The following ROR2 variants were observed in gnomAD, a reference collection of about 807,000 sequenced individuals.
The protein encoded by ROR2 is ROR family WNT receptor 2, also known as tyrosine-protein kinase transmembrane receptor ROR2.
Under a neutral mutation model 74.9 loss-of-function variants are expected in ROR2, and 33 were observed. The ratio of observed to expected loss-of-function variants is 0.44; its 90% CI spans 0.33 to 0.59. ROR2 has a LOEUF of 0.59. Ranked by LOEUF, ROR2 falls within the 20% of genes least tolerant of loss-of-function variation. The pLI is 0.02. For missense variants in ROR2, 1,216 were observed against 1,313.8 expected (o/e 0.93, Z 1.15); for synonymous variants, 586 against 558.7 (o/e 1.05, Z -0.69).
chr9:91,852,370 T>A (rs1429449703), intron 1 of ROR2, among the ~76,000 whole-genome samples: 2 of 152,240 alleles, frequency 1.3e-5, no homozygotes, highest in Non-Finnish European at 2.9e-5. Context: ...TCATATCCAA[T>A]AAACTCATGT....
intron 1 of ROR2, among the ~76,000 whole-genome samples, chr9:91,785,568 C>A (rs1826768828): frequency 6.6e-6 from 1 of 152,232 alleles, no homozygotes; most frequent in Non-Finnish European, 1.5e-5. Flanking sequence ...ACTTTGGTGA[C>A]CACCATCATG....
At chr9:91,838,463 G>A (rs188346386) in intron 1 of ROR2, among the ~76,000 whole-genome samples, 3 of 152,284 alleles carry the variant, frequency 2.0e-5, no homozygotes, top group East Asian at 1.9e-4. Context: ...GGTCACAGCC[G>A]CTATCTTTTC....
intron 5 of ROR2, among the ~76,000 whole-genome samples, chr9:91,735,263 AC>A (rs1184963798): frequency 6.6e-6 from 1 of 152,220 alleles, no homozygotes; most frequent in East Asian, 1.9e-4. Flanking sequence ...ACACTTTCCA[AC>A]ACAACACTGC....
Position 91,948,976 on chromosome 9 carries a change from A to G in ROR2, c.97+891T>C, listed in dbSNP as rs980519962. On this transcript the variant is annotated intron_variant, in intron 1 of 8. Transcript: ENST00000375708. ...AGGCAGGTCCCAAGCTGCACTTCCG[A>G]ACCTCCCCGCCGTTCCTCTGCGCCC... is the stretch of plus-strand genomic sequence containing the variant. 3.1e-6 allele frequency: 3 copies of G among 955,002 alleles called. No homozygotes were observed. The African/African-American group carries it at 5.3e-5, about 17-fold the overall frequency. The allele number at this position is 955,002 out of a possible 1,614,324, so 59.2% of individuals were successfully genotyped here.
rs541758462 is a variant in ROR2 at position 91,786,613 on chromosome 9, G to A, written c.98-10795C>T. 5.9e-5 allele frequency among the ~76,000 whole-genome samples: 9 copies of A among 152,272 alleles called. No homozygotes were observed. In the East Asian group the frequency reaches 1.7e-3, roughly 29 times the overall value. On this transcript the variant is annotated intron_variant, in intron 1 of 8. Coordinates refer to ENST00000375708, the MANE Select transcript of ROR2 (RefSeq NM_004560.4). ...CAAGGCCACCAACCTCGCAAACAGTGAGAGACTCCACTTGTGGAGCTCTGT... is the reference window on the plus strand; with the variant it reads ...CAAGGCCACCAACCTCGCAAACAGTAAGAGACTCCACTTGTGGAGCTCTGT...
intron 1 of ROR2, among the ~76,000 whole-genome samples, chr9:91,855,357 G>C (rs1003130168): frequency 1.3e-5 from 2 of 152,248 alleles, no homozygotes; most frequent in African/African-American, 4.8e-5. Context: ...GTGCTCCTGA[G>C]ACAGGACTCA....
chr9:91,901,182 G>A (rs1830668674), intron 1 of ROR2, among the ~76,000 whole-genome samples: 1 of 152,134 alleles, frequency 6.6e-6, no homozygotes, highest in Admixed American at 6.5e-5. Context: ...CTATAAATAG[G>A]TATACTATGT....
Position 91,800,354 on chromosome 9 carries a change from A to AAAAGAGAG in ROR2, c.98-24537_98-24536insCTCTCTTT, listed in dbSNP as rs61357928. 1.2e-3 allele frequency among the ~76,000 whole-genome samples: 180 copies of AAAAGAGAG among 149,380 alleles called. 1 individual carries two copies. Among genetic ancestry groups the AAAAGAGAG allele is most frequent in the African/African-American group, 3.9e-3 (154 of 39,614 alleles). ...CAAGACTCCGTCTCAAAAAAAAAAAAAGAGAGAGAGAGAATAATACCAGTG... is the reference window on the plus strand; with the variant it reads ...CAAGACTCCGTCTCAAAAAAAAAAAAAAAGAGAGAGAGAGAGAGAGAATAATACCAGTG... On this transcript the variant is annotated intron_variant, in intron 1 of 8. Transcript: ENST00000375708.
chr9:91,882,375 C>T (rs1290516417), intron 1 of ROR2, among the ~76,000 whole-genome samples: 1 of 150,040 alleles, frequency 6.7e-6, no homozygotes, highest in African/African-American at 2.5e-5. Flanking sequence ...CATGCCATTG[C>T]ACTCCAGCCC....
At chr9:91,756,627 C>T (rs1217805574) in intron 3 of ROR2, among the ~76,000 whole-genome samples, 1 of 152,096 alleles carries the variant, frequency 6.6e-6, no homozygotes, top group African/African-American at 2.4e-5. Context: ...TGACACCTGA[C>T]CTCCTAACAA....
In ROR2 at chr9:91,757,277, C is replaced by T. The variant is rs1389065916; in HGVS notation, c.458G>A (p.Arg153Gln). Residue 153 changes from arginine to glutamine, a missense_variant, in exon 3 of 9, where the codon CGG becomes CAG. Coordinates refer to ENST00000375708, the MANE Select transcript of ROR2 (RefSeq NM_004560.4). ...AATTTCACTGTCCAACTCACCCAGC[C>T]GCACAAACAGGACGCCAGTGGCGGT... ...TITATGVLFV[R>Q]LGPTHSPNHN... 1.2e-6 allele frequency: 2 copies of T among 1,613,964 alleles called. No homozygotes were observed. The highest frequency in any genetic ancestry group is 3.3e-5 in the Admixed American group (2 of 60,000).
intron 2 of ROR2, among the ~76,000 whole-genome samples, chr9:91,758,973 C>G (rs2118858308): frequency 6.6e-6 from 1 of 152,334 alleles, no homozygotes; most frequent in Non-Finnish European, 1.5e-5. Flanking sequence ...GAACTTACAT[C>G]AGACAAAGCT....
At position 91,939,842 on chromosome 9, in the gene ROR2, G is replaced by A. The variant is rs542293495; in HGVS notation, c.97+10025C>T. ...ACTGGTCCATGCCACAGGCTGTGCT[G>A]AAGGAGGTGGTAACAAGAGCACCCA... On this transcript the variant is annotated intron_variant, in intron 1 of 8. Transcript: ENST00000375708. 1.3e-4 allele frequency among the ~76,000 whole-genome samples: 20 copies of A among 152,308 alleles called. No homozygotes were observed. The East Asian group carries it at 3.3e-3, about 25-fold the overall frequency.
intron 2 of ROR2, among the ~76,000 whole-genome samples, chr9:91,766,680 A>C (rs1362320278): frequency 6.6e-6 from 1 of 152,178 alleles, no homozygotes; most frequent in African/African-American, 2.4e-5. Flanking sequence ...GTTTGTATTA[A>C]CCATTTTCTA....
chr9:91,799,010 A>C (rs1359643235), intron 1 of ROR2, among the ~76,000 whole-genome samples: 1 of 152,140 alleles, frequency 6.6e-6, no homozygotes, highest in Non-Finnish European at 1.5e-5. Context: ...AGAAACACCA[A>C]GCTGAAGAGA....
chr9:91,837,594 G>GCCAATCAATTA (rs1828648169), intron 1 of ROR2, among the ~76,000 whole-genome samples: 3 of 152,206 alleles, frequency 2.0e-5, no homozygotes, highest in Admixed American at 2.0e-4. Flanking sequence ...GGGGCTTGGG[G>GCCAATCAATTA]AAGAAGGCCA....
intron 4 of ROR2, among the ~76,000 whole-genome samples, chr9:91,750,472 A>C (rs1159646683): frequency 6.6e-6 from 1 of 152,202 alleles, no homozygotes; most frequent in Non-Finnish European, 1.5e-5. Context: ...GCCTCTAACA[A>C]CACATCTTCT....
intron 1 of ROR2, among the ~76,000 whole-genome samples, chr9:91,832,770 T>C (rs1169656315): frequency 6.6e-6 from 1 of 152,214 alleles, no homozygotes; most frequent in Non-Finnish European, 1.5e-5. Flanking sequence ...CCTACGAGTT[T>C]TGTTTCTCTA....
chr9:91,947,649 C>T (rs1398402773), intron 1 of ROR2, among the ~76,000 whole-genome samples: 1 of 152,142 alleles, frequency 6.6e-6, no homozygotes, highest in Non-Finnish European at 1.5e-5. Flanking sequence ...CTCCATCGTT[C>T]CCCACCTACC....
Sources: gnomAD v4.1 joint callset for allele counts (sites outside exome capture counted in the v4.1 genomes callset) on GRCh38, gnomAD v4.1.1 for gene constraint, MANE v1.5 for transcripts, NCBI Gene and HGNC (gene_info 2026-07-23, HGNC 2026-07-21) for gene names.